TANGO6: variants seen among roughly 807,000 people sequenced by gnomAD.
The protein encoded by TANGO6 is transport and golgi organization 6 homolog, also known as transport and Golgi organization protein 6 homolog.
A neutral mutation model predicts 114.2 loss-of-function variants in TANGO6; 90 were observed. The ratio of observed to expected loss-of-function variants is 0.79; its 90% confidence interval spans 0.66 to 0.94. The LOEUF (loss-of-function observed/expected upper bound fraction) is 0.94. Among genes scored for constraint, TANGO6 ranks in the 40% least tolerant of loss-of-function variants. The pLI, the probability that TANGO6 is intolerant of heterozygous loss-of-function variation, is 0.00. For missense variants in TANGO6, 1,274 were observed against 1,315.3 expected (o/e 0.97, Z 0.49); for synonymous variants, 477 against 509.8 (o/e 0.94, Z 0.87).
intron 3 of TANGO6, 100 bp from the exon 4 acceptor site, chr16:68,866,975 CTTTT>C (rs536677611): frequency 6.8e-3 from 1,530 of 226,488 alleles, no homozygotes; most frequent in Middle Eastern, 0.012. Flanking sequence ...GCTATTTCTC[CTTTT>C]TTTTTTTTTT....
chr16:68,988,086 A>C (rs1266476174), intron 15 of TANGO6, among the ~76,000 whole-genome samples: 1 of 152,122 alleles, frequency 6.6e-6, no homozygotes, highest in Non-Finnish European at 1.5e-5. Flanking sequence ...CTGTCACCCT[A>C]GTTATCTGGT....
intron 15 of TANGO6, among the ~76,000 whole-genome samples, chr16:68,997,909 C>G (rs998043476): frequency 3.9e-4 from 60 of 152,252 alleles, no homozygotes; most frequent in African/African-American, 1.4e-3. Context: ...ATATTCTTAC[C>G]TAATTATTAG....
chr16:68,921,473 C>T (rs889922815), intron 12 of TANGO6, among the ~76,000 whole-genome samples: 2 of 152,132 alleles, frequency 1.3e-5, no homozygotes, highest in Middle Eastern at 3.4e-3. Flanking sequence ...CCACCACGCT[C>T]GGCCGGAATC....
chr16:68,997,789 C>T (rs1964004850), intron 15 of TANGO6, among the ~76,000 whole-genome samples: 1 of 152,168 alleles, frequency 6.6e-6, no homozygotes, highest in African/African-American at 2.4e-5. Flanking sequence ...GGTTAGAACA[C>T]CTCTGACATA....
At chr16:68,946,263 C>T (rs562089377) in intron 14 of TANGO6, among the ~76,000 whole-genome samples, 39 of 151,754 alleles carry the variant, frequency 2.6e-4, no homozygotes, top group African/African-American at 9.4e-4. Context: ...ACGATCTCGG[C>T]TCACTGCAAG....
chr16:69,074,187 G>A (rs1186582249), intron 17 of TANGO6, among the ~76,000 whole-genome samples: 1 of 152,042 alleles, frequency 6.6e-6, no homozygotes, highest in African/African-American at 2.4e-5. Flanking sequence ...TAATATGTGG[G>A]TCCCAGTGCA....
intron 15 of TANGO6, among the ~76,000 whole-genome samples, chr16:69,012,888 C>A (rs1959226151): frequency 6.6e-6 from 1 of 152,048 alleles, no homozygotes; most frequent in African/African-American, 2.4e-5. Flanking sequence ...ATGGGAACAT[C>A]TCATCTGGAT....
chr16:68,923,800 ATTTGTTTTGTTTTGT>A (rs145246572), intron 12 of TANGO6, among the ~76,000 whole-genome samples: 31,872 of 150,846 alleles, frequency 0.21, 3,864 homozygotes, highest in African/African-American at 0.34. Context: ...AGGAGGCATG[ATTTGTTTTGTTTTGT>A]TTTGTTTTGT....
intron 11 of TANGO6, among the ~76,000 whole-genome samples, chr16:68,910,778 G>A (rs1325604078): frequency 6.6e-6 from 1 of 152,196 alleles, no homozygotes; most frequent in Non-Finnish European, 1.5e-5. Context: ...CTGGGTTCAA[G>A]CAATTCTCCT....
chr16:68,957,219 A>G (rs1963539643), intron 14 of TANGO6, among the ~76,000 whole-genome samples: 2 of 152,082 alleles, frequency 1.3e-5, no homozygotes, highest in African/African-American at 4.8e-5. Flanking sequence ...AAAATCTACA[A>G]TTCAGTGTCA....
At chr16:68,876,386 C>T (rs1452668002) in intron 5 of TANGO6, among the ~76,000 whole-genome samples, 3 of 152,034 alleles carry the variant, frequency 2.0e-5, no homozygotes, top group South Asian at 4.2e-4. Context: ...GTCTCGAACT[C>T]CTGACCTCAG....
At chr16:68,867,261 C>T (rs1210157663) in intron 4 of TANGO6, 41 bp downstream of exon 4, 1 of 1,612,126 alleles carries the variant, frequency 6.2e-7, no homozygotes, top group Non-Finnish European at 8.5e-7. Context: ...TATCTGTTTT[C>T]CTTTGAGTCA....
At chr16:69,006,429 C>T (rs764913242) in intron 15 of TANGO6, among the ~76,000 whole-genome samples, 41 of 152,174 alleles carry the variant, frequency 2.7e-4, no homozygotes, top group African/African-American at 9.9e-4. Context: ...CCCTTTCATT[C>T]GCAAAGTTTC....
chr16:68,955,350 A>G (rs1239821142), intron 14 of TANGO6, among the ~76,000 whole-genome samples: 5 of 152,338 alleles, frequency 3.3e-5, no homozygotes, highest in Admixed American at 2.0e-4. Context: ...CAGCAACCAA[A>G]TGGTTAAGCT....
At chr16:68,950,667 T>G (rs1385585416) in intron 14 of TANGO6, among the ~76,000 whole-genome samples, 1 of 150,704 alleles carries the variant, frequency 6.6e-6, no homozygotes, top group African/African-American at 2.4e-5. Flanking sequence ...GAGACCAGCT[T>G]GGCCAACATG....
chr16:68,948,624 T>G (rs975878287), intron 14 of TANGO6, among the ~76,000 whole-genome samples: 1 of 152,204 alleles, frequency 6.6e-6, no homozygotes, highest in African/African-American at 2.4e-5. Flanking sequence ...TTTGGAAAAT[T>G]GTTTCACTAT....
At chr16:69,069,350 A>G (rs1054597908) in intron 17 of TANGO6, among the ~76,000 whole-genome samples, 4 of 152,216 alleles carry the variant, frequency 2.6e-5, no homozygotes, top group African/African-American at 4.8e-5. Flanking sequence ...TCTGCCCCGT[A>G]ATAGTCTCAT....
At chr16:69,017,800 C>T (rs1959327075) in intron 15 of TANGO6, among the ~76,000 whole-genome samples, 1 of 152,108 alleles carries the variant, frequency 6.6e-6, no homozygotes, top group Admixed American at 6.5e-5. Flanking sequence ...ACTCTGGATC[C>T]TCATCTCCCA....
chr16:68,982,141 C>A (rs973941225), intron 15 of TANGO6, among the ~76,000 whole-genome samples: 15 of 152,152 alleles, frequency 9.9e-5, no homozygotes, highest in African/African-American at 3.4e-4. Flanking sequence ...CTTGTTGAAA[C>A]ACCTTGTTCT....
Sources: allele counts gnomAD v4.1 joint callset (sites outside exome capture counted in the v4.1 genomes callset), GRCh38; gene constraint gnomAD v4.1.1; transcripts MANE v1.5; gene names NCBI Gene and HGNC (gene_info 2026-07-23, HGNC 2026-07-21).